GPC5: variants seen among roughly 807,000 people sequenced by gnomAD.
GPC5 encodes the protein glypican 5.
Under a neutral mutation model 53.9 loss-of-function variants are expected in GPC5, and 47 were observed. That is an observed-to-expected ratio of 0.87 (90% confidence interval 0.69 to 1.11). GPC5 has a LOEUF of 1.11. Ranked by LOEUF, GPC5 falls within the 50% of genes most tolerant of loss-of-function variation. GPC5 has a pLI of 0.00. For missense variants in GPC5, 748 were observed against 713.1 expected (o/e 1.05, Z -0.56); for synonymous variants, 286 against 263.3 (o/e 1.09, Z -0.84).
intron 7 of GPC5, among the ~76,000 whole-genome samples, chr13:92,492,272 C>CT (rs1407888041): frequency 6.6e-6 from 1 of 150,750 alleles, no homozygotes; most frequent in Non-Finnish European, 1.5e-5. Context: ...CATTAATTTT[C>CT]TTTTTTTCTT....
intron 5 of GPC5, among the ~76,000 whole-genome samples, chr13:91,768,636 T>C (rs941242970): frequency 1.3e-5 from 2 of 152,232 alleles, no homozygotes; most frequent in Non-Finnish European, 2.9e-5. Context: ...TTTTGGATTA[T>C]TCTAGACAGA....
chr13:92,488,894 A>G (rs1203235615), intron 7 of GPC5, among the ~76,000 whole-genome samples: 1 of 152,230 alleles, frequency 6.6e-6, no homozygotes, highest in Non-Finnish European at 1.5e-5. Flanking sequence ...AGGCTTGACA[A>G]TAAAGGCAGT....
chr13:92,541,969 T>C (rs912644731), intron 7 of GPC5, among the ~76,000 whole-genome samples: 1 of 151,976 alleles, frequency 6.6e-6, no homozygotes, highest in African/African-American at 2.4e-5. Context: ...TTCTCTTCCA[T>C]TGATTTATTT....
At chr13:92,059,890 G>A (rs2041107903) in intron 6 of GPC5, 1 of 151,708 alleles carries the variant, frequency 6.6e-6, no homozygotes, top group African/African-American at 2.4e-5. Flanking sequence ...AGTGCATAAT[G>A]AGGGCTGTAC....
At chr13:92,205,825 T>G (rs536299819) in intron 7 of GPC5, among the ~76,000 whole-genome samples, 23 of 152,146 alleles carry the variant, frequency 1.5e-4, no homozygotes, top group African/African-American at 5.5e-4. Context: ...GGCGGGTGGA[T>G]CACCTGAGAT....
At chr13:92,029,430 T>C (rs991187838) in intron 6 of GPC5, among the ~76,000 whole-genome samples, 15 of 152,204 alleles carry the variant, frequency 9.9e-5, no homozygotes, top group Admixed American at 2.6e-4. Context: ...GGGAGGGTCA[T>C]CTGCAAGTTT....
At chr13:92,043,585 T>C (rs1328685278) in intron 6 of GPC5, among the ~76,000 whole-genome samples, 1 of 152,184 alleles carries the variant, frequency 6.6e-6, no homozygotes, top group Non-Finnish European at 1.5e-5. Context: ...CAATGAGAGG[T>C]ATTCATTTTA....
intron 6 of GPC5, among the ~76,000 whole-genome samples, chr13:91,962,771 T>C (rs1034566197): frequency 6.6e-6 from 1 of 152,324 alleles, no homozygotes; most frequent in African/African-American, 2.4e-5. Context: ...TTATACCTAC[T>C]GAAAGCAGGT....
At chr13:92,605,335 T>C (rs1344543659) in intron 7 of GPC5, among the ~76,000 whole-genome samples, 1 of 152,218 alleles carries the variant, frequency 6.6e-6, no homozygotes, top group Non-Finnish European at 1.5e-5. Flanking sequence ...GCAAATACTT[T>C]ACTTGTCACT....
At chr13:92,850,130 AACTT>A (rs1878744060) in intron 7 of GPC5, among the ~76,000 whole-genome samples, 1 of 152,152 alleles carries the variant, frequency 6.6e-6, no homozygotes, top group African/African-American at 2.4e-5. Context: ...TTTTAACAAA[AACTT>A]AAATTTACTG....
intron 7 of GPC5, among the ~76,000 whole-genome samples, chr13:92,287,376 T>C (rs1356598201): frequency 6.6e-6 from 1 of 152,188 alleles, no homozygotes; most frequent in South Asian, 2.1e-4. Context: ...TAAGGTCTAC[T>C]TTGCTTACAA....
At chr13:91,624,721 A>G (rs1474730318) in intron 2 of GPC5, among the ~76,000 whole-genome samples, 3 of 152,008 alleles carry the variant, frequency 2.0e-5, no homozygotes, top group African/African-American at 7.2e-5. Flanking sequence ...AAATGAGGAG[A>G]CCTAACCTCC....
intron 5 of GPC5, among the ~76,000 whole-genome samples, chr13:91,791,675 T>TTG (rs1221531105): frequency 8.8e-5 from 13 of 147,562 alleles, no homozygotes; most frequent in Non-Finnish European, 1.6e-4. Context: ...TCAACAATTG[T>TTG]ATGAGGCAGC....
intron 7 of GPC5, among the ~76,000 whole-genome samples, chr13:92,276,684 A>T (rs1594059180): frequency 6.6e-6 from 1 of 152,170 alleles, no homozygotes; most frequent in East Asian, 1.9e-4. Context: ...GAACATTTAC[A>T]CTATGTTTTG....
rs1491202059 is a variant in GPC5 at position 92,347,864 on chromosome 13, T to TATATATAA, written c.1561+202875_1561+202876insATATATAA. ...ATAGGCTGTTTTATACATATATATA[T>TATATATAA]TATATATATAATATATATTATATAT... On this transcript the variant is annotated intron_variant, in intron 7 of 7. Transcript: ENST00000377067. Among the ~76,000 whole-genome samples the TATATATAA allele has an allele frequency of 3.9e-3, 33 of 8,482 alleles. 4 individuals carry two copies. The highest frequency in any genetic ancestry group is 0.056 in the Middle Eastern group (1 of 18). The allele number at this position is 8,482 out of a possible 152,430, so 5.6% of individuals were successfully genotyped here.
chr13:92,602,817 A>G (rs1467303744), intron 7 of GPC5, among the ~76,000 whole-genome samples: 1 of 152,150 alleles, frequency 6.6e-6, no homozygotes, highest in African/African-American at 2.4e-5. Flanking sequence ...AAGACACACA[A>G]GACTCAGAAG....
intron 2 of GPC5, among the ~76,000 whole-genome samples, chr13:91,547,644 C>T (rs560693633): frequency 6.6e-6 from 1 of 152,152 alleles, no homozygotes; most frequent in South Asian, 2.1e-4. Context: ...TTCTATGAGG[C>T]TAGCTAGCAT....
At chr13:92,239,821 T>G (rs1470457250) in intron 7 of GPC5, 1 of 152,168 alleles carries the variant, frequency 6.6e-6, no homozygotes, top group Admixed American at 6.5e-5. Context: ...CATATTAAAG[T>G]ATATTTAAAT....
chr13:92,596,811 A>G (rs1883898117), intron 7 of GPC5, among the ~76,000 whole-genome samples: 1 of 152,188 alleles, frequency 6.6e-6, no homozygotes, highest in African/African-American at 2.4e-5. Flanking sequence ...TTGATAAAAT[A>G]ATTTAATTCT....
Sources: gnomAD v4.1 joint callset for allele counts (sites outside exome capture counted in the v4.1 genomes callset) on GRCh38, gnomAD v4.1.1 for gene constraint, MANE v1.5 for transcripts, NCBI Gene and HGNC (gene_info 2026-07-23, HGNC 2026-07-21) for gene names.